The following GALNTL6 variants were observed in gnomAD, a reference collection of about 807,000 sequenced individuals.
The protein encoded by GALNTL6 is polypeptide N-acetylgalactosaminyltransferase like 6, also known as polypeptide N-acetylgalactosaminyltransferase-like 6.
GALNTL6 carries 46 observed loss-of-function variants against 73.7 expected under a neutral mutation model. The ratio of observed to expected loss-of-function variants is 0.62; its 90% confidence interval spans 0.49 to 0.80. The LOEUF (loss-of-function observed/expected upper bound fraction) is 0.80, where lower values mean the gene tolerates loss of function less well. Ranked by LOEUF, GALNTL6 falls within the 30% of genes least tolerant of loss-of-function variation. The probability of loss-of-function intolerance (pLI) is 0.00; values close to 1 mark genes in which losing one functional copy is unlikely to be tolerated. For missense variants in GALNTL6, 604 were observed against 755.0 expected, an observed-to-expected ratio of 0.80 and a Z score of 2.34; for synonymous variants, 259 against 263.7, an observed-to-expected ratio of 0.98 and a Z score of 0.17.
At chr4:171,973,548 C>G (rs1385167957) in intron 2 of GALNTL6, among the ~76,000 whole-genome samples, 1 of 152,080 alleles carries the variant, frequency 6.6e-6, no homozygotes. Context: ...TCTTATAAAC[C>G]TAGTAGTCCT....
chr4:172,189,356 TA>T (rs1735504309), intron 2 of GALNTL6, among the ~76,000 whole-genome samples: 2 of 152,296 alleles, frequency 1.3e-5, no homozygotes, highest in East Asian at 3.9e-4. Flanking sequence ...CATGGAAAAC[TA>T]AAAAACACTG....
At chr4:172,723,362 T>G (rs1013837515) in intron 5 of GALNTL6, among the ~76,000 whole-genome samples, 2 of 152,168 alleles carry the variant, frequency 1.3e-5, no homozygotes, top group African/African-American at 4.8e-5. Flanking sequence ...ATACTGCCTC[T>G]CACAATTACT....
rs548828226 is a variant in GALNTL6 at position 172,730,071 on chromosome 4, A to G, written c.554-79290A>G. 3.3e-5 allele frequency among the ~76,000 whole-genome samples: 5 copies of G among 152,200 alleles called. No homozygotes were observed. The South Asian group carries it at 1.0e-3, about 32-fold the overall frequency. The stretch of plus-strand genomic sequence containing the variant: ...ATATATAAATGCTACTGATTTTTAT[A>G]TGTTGATTTTGTATCCTGAAACTAC... On this transcript the variant is annotated intron_variant, in intron 5 of 12. Coordinates refer to ENST00000506823, the MANE Select transcript of GALNTL6 (RefSeq NM_001034845.3).
intron 5 of GALNTL6, among the ~76,000 whole-genome samples, chr4:172,589,222 AATC>A (rs1387493804): frequency 6.6e-6 from 1 of 152,202 alleles, no homozygotes; most frequent in Non-Finnish European, 1.5e-5. Flanking sequence ...CACATTTCTT[AATC>A]ATCAAGACTA....
At chr4:172,480,940 G>T (rs950485510) in intron 5 of GALNTL6, among the ~76,000 whole-genome samples, 1 of 152,154 alleles carries the variant, frequency 6.6e-6, no homozygotes, top group Non-Finnish European at 1.5e-5. Flanking sequence ...CTGGACTCTC[G>T]GAAGTGGCAA....
At chr4:172,529,447 T>C (rs1735091827) in intron 5 of GALNTL6, among the ~76,000 whole-genome samples, 1 of 152,146 alleles carries the variant, frequency 6.6e-6, no homozygotes, top group African/African-American at 2.4e-5. Context: ...TGATGCTTAC[T>C]AGTTTTATTT....
chr4:171,897,779 T>A (rs998981219), intron 2 of GALNTL6, among the ~76,000 whole-genome samples: 5 of 149,936 alleles, frequency 3.3e-5, no homozygotes, highest in African/African-American at 1.2e-4. Context: ...TGCAAAAAAA[T>A]TAGCCAGACA....
At chr4:171,933,232 A>G (rs28541484) in intron 2 of GALNTL6, among the ~76,000 whole-genome samples, 2,679 of 152,284 alleles carry the variant, frequency 0.018, 78 homozygotes, top group African/African-American at 0.062. Context: ...GTTTGATTTT[A>G]AATCAGTCCC....
intron 5 of GALNTL6, among the ~76,000 whole-genome samples, chr4:172,353,457 G>A (rs911151796): frequency 1.3e-5 from 2 of 152,086 alleles, no homozygotes; most frequent in Admixed American, 6.6e-5. Flanking sequence ...AAAGGACATC[G>A]ACAATATTTT....
chr4:172,232,232 ACT>A (rs1302588753), intron 3 of GALNTL6, among the ~76,000 whole-genome samples: 2 of 151,914 alleles, frequency 1.3e-5, no homozygotes, highest in African/African-American at 4.8e-5. Context: ...TTTTGTGTTT[ACT>A]CTCTTATTTT....
chr4:171,887,070 A>G (rs1358246256), intron 2 of GALNTL6, among the ~76,000 whole-genome samples: 1 of 152,178 alleles, frequency 6.6e-6, no homozygotes, highest in Non-Finnish European at 1.5e-5. Context: ...TAGACTGAGC[A>G]TTTCAAAGTA....
chr4:172,912,785 G>A (rs1747282966), intron 8 of GALNTL6, among the ~76,000 whole-genome samples: 1 of 152,200 alleles, frequency 6.6e-6, no homozygotes, highest in African/African-American at 2.4e-5. Context: ...TCCAGCTCTG[G>A]GGGCAGGGCA....
At chr4:172,329,145 G>T (rs1434790743) in intron 4 of GALNTL6, among the ~76,000 whole-genome samples, 2 of 152,178 alleles carry the variant, frequency 1.3e-5, no homozygotes, top group East Asian at 3.9e-4. Flanking sequence ...TGTGTTGGTG[G>T]TCCATACCAG....
At chr4:172,729,171 T>G (rs1736002488) in intron 5 of GALNTL6, among the ~76,000 whole-genome samples, 1 of 152,188 alleles carries the variant, frequency 6.6e-6, no homozygotes, top group South Asian at 2.1e-4. Flanking sequence ...TCTCCTATTC[T>G]GCAGGTTGTC....
intron 7 of GALNTL6, among the ~76,000 whole-genome samples, chr4:172,823,460 G>C (rs1742055721): frequency 6.6e-6 from 1 of 152,166 alleles, no homozygotes; most frequent in South Asian, 2.1e-4. Context: ...GTGCATAAAA[G>C]ACACTCAACA....
At chr4:172,154,223 G>A (rs962047546) in intron 2 of GALNTL6, among the ~76,000 whole-genome samples, 6 of 145,564 alleles carry the variant, frequency 4.1e-5, no homozygotes, top group Non-Finnish European at 7.5e-5. Context: ...CCCTGACTTT[G>A]TTTTTTGTTT....
At chr4:171,831,339 C>T (rs1734964186) in intron 2 of GALNTL6, among the ~76,000 whole-genome samples, 1 of 151,886 alleles carries the variant, frequency 6.6e-6, no homozygotes, top group Non-Finnish European at 1.5e-5. Flanking sequence ...TTGGTAGAGG[C>T]ATATTAAATG....
At chr4:172,073,496 T>G (rs555405784) in intron 2 of GALNTL6, among the ~76,000 whole-genome samples, 1 of 152,164 alleles carries the variant, frequency 6.6e-6, no homozygotes, top group Non-Finnish European at 1.5e-5. Context: ...GGGTGCCTTC[T>G]GGAGATAACA....
chr4:171,868,952 A>T (rs2110891190), intron 2 of GALNTL6, among the ~76,000 whole-genome samples: 1 of 152,328 alleles, frequency 6.6e-6, no homozygotes, highest in African/African-American at 2.4e-5. Context: ...AAGTGCTGGG[A>T]TTACAGGCAT....
Sources: allele counts gnomAD v4.1 joint callset (sites outside exome capture counted in the v4.1 genomes callset), GRCh38; gene constraint gnomAD v4.1.1; transcripts MANE v1.5; gene names NCBI Gene and HGNC (gene_info 2026-07-23, HGNC 2026-07-21).